LHFPL3: variants seen among roughly 807,000 people sequenced by gnomAD.
LHFPL3 encodes LHFPL tetraspan subfamily member 3 protein.
A neutral mutation model predicts 19.3 loss-of-function variants in LHFPL3; 5 were observed. That is an observed-to-expected ratio of 0.26 (90% CI 0.14 to 0.54). LHFPL3 has a LOEUF of 0.54. Ranked by LOEUF, LHFPL3 falls within the 20% of genes least tolerant of loss-of-function variation. The pLI, the probability that LHFPL3 is intolerant of heterozygous loss-of-function variation, is 0.94. For missense variants in LHFPL3, 249 were observed against 307.4 expected (o/e 0.81, Z 1.42); for synonymous variants, 133 against 126.2 (o/e 1.05, Z -0.36).
chr7:104,543,151 CAG>C (rs987411222), intron 1 of LHFPL3, among the ~76,000 whole-genome samples: 1 of 151,930 alleles, frequency 6.6e-6, no homozygotes, highest in Non-Finnish European at 1.5e-5. Context: ...TGGGGCCTGA[CAG>C]GGGGTGAGGG....
intron 1 of LHFPL3, among the ~76,000 whole-genome samples, chr7:104,612,151 C>G (rs1332500895): frequency 6.6e-6 from 1 of 152,158 alleles, no homozygotes; most frequent in Non-Finnish European, 1.5e-5. Flanking sequence ...TTTGGAAATT[C>G]AAGACCAGAG....
At chr7:104,776,053 T>G (rs1794631958) in intron 2 of LHFPL3, among the ~76,000 whole-genome samples, 1 of 152,228 alleles carries the variant, frequency 6.6e-6, no homozygotes, top group Non-Finnish European at 1.5e-5. Context: ...GTAAACTGGT[T>G]GGTACCAGAC....
intron 1 of LHFPL3, among the ~76,000 whole-genome samples, chr7:104,430,019 C>T (rs77467167): frequency 0.01 from 1,550 of 152,006 alleles, 26 homozygotes; most frequent in African/African-American, 0.035. Flanking sequence ...CTCCTCAAAC[C>T]GCTCTAGCTG....
chr7:104,328,829 C>G lies in LHFPL3; in HGVS notation c.50C>G (p.Pro17Arg). The change falls in exon 1 of 3, where the codon CCG becomes CGG. Residue 17 changes from proline (P) to arginine (R), a missense_variant. Physicochemically the swap from Pro to Arg is moderately radical, Grantham distance 103 (BLOSUM62 -2). Transcript: ENST00000424859. This position sits in a 1 kb window ranked among gnomAD's most constrained non-coding sequence, Gnocchi z 4.6. ...GCCGCCGCCGCCGCCGCGATGCTCC[C>G]GGCTCAGGAGGCTGCCAAGCTGTAC... Reference protein sequence around the residue: ...AAAAAAAAMLPAQEAAKLYHT... With the variant: ...AAAAAAAAMLRAQEAAKLYHT... 7 of 1,612,732 alleles carry G rather than the reference C, an allele frequency of 4.3e-6. No homozygotes were observed. Among genetic ancestry groups the G allele is most frequent in the Non-Finnish European group, 5.9e-6 (7 of 1,179,264 alleles).
At chr7:104,589,924 T>C (rs1172308671) in intron 1 of LHFPL3, among the ~76,000 whole-genome samples, 2 of 152,224 alleles carry the variant, frequency 1.3e-5, no homozygotes, top group African/African-American at 4.8e-5. Context: ...TATTCTCTGA[T>C]GGTAGTTTGT....
chr7:104,628,557 G>A (rs1343490317), intron 1 of LHFPL3, among the ~76,000 whole-genome samples: 1 of 152,130 alleles, frequency 6.6e-6, no homozygotes, highest in Non-Finnish European at 1.5e-5. Context: ...TTTAGTTTGA[G>A]TCTATGTTGT....
intron 1 of LHFPL3, among the ~76,000 whole-genome samples, chr7:104,490,309 T>A (rs1358721028): frequency 6.6e-6 from 1 of 152,184 alleles, no homozygotes; most frequent in Non-Finnish European, 1.5e-5. Context: ...GTTTCACTCC[T>A]CTTCTACTGA....
chr7:104,827,401 A>G (rs1219384787), intron 2 of LHFPL3, among the ~76,000 whole-genome samples: 2 of 152,034 alleles, frequency 1.3e-5, no homozygotes, highest in East Asian at 3.8e-4. Flanking sequence ...GATGTTTTTT[A>G]AAGTAAAGAA....
intron 1 of LHFPL3, among the ~76,000 whole-genome samples, chr7:104,639,340 C>G (rs1554418508): frequency 6.6e-6 from 1 of 152,004 alleles, no homozygotes; most frequent in Non-Finnish European, 1.5e-5. Flanking sequence ...CCATTTTTTT[C>G]CAGATTTTCT....
intron 1 of LHFPL3, among the ~76,000 whole-genome samples, chr7:104,377,081 A>G (rs961264072): frequency 2.6e-5 from 4 of 152,184 alleles, no homozygotes; most frequent in African/African-American, 9.7e-5. Context: ...AACTAACTCC[A>G]TTAGGTCTGC....
intron 2 of LHFPL3, among the ~76,000 whole-genome samples, chr7:104,838,701 C>T (rs1216277764): frequency 6.6e-6 from 1 of 152,284 alleles, no homozygotes; most frequent in South Asian, 2.1e-4. Context: ...CAATTTCATA[C>T]CATAGACACA....
intron 1 of LHFPL3, chr7:104,470,039 G>A (rs770387392): frequency 2.2e-6 from 1 of 456,010 alleles, no homozygotes; most frequent in South Asian, 1.5e-5. Flanking sequence ...AACTTCGGGT[G>A]TTTACTGCCT....
In LHFPL3 at chr7:104,830,549, A is replaced by G. The variant is rs1790930747; in HGVS notation, c.683-75638A>G. On this transcript the variant is annotated intron_variant, in intron 2 of 2. Coordinates refer to ENST00000424859, the MANE Select transcript of LHFPL3 (RefSeq NM_199000.3). ...GGGATCCAGTTTCAGCTTTCTACAT[A>G]TGGCTAGCCAGTTTTCCCAGCACCA... Among the ~76,000 whole-genome samples, 6 of 151,988 alleles carry G rather than the reference A, an allele frequency of 3.9e-5. No individual in the cohort carries two copies. The South Asian group carries it at 1.2e-3, about 32-fold the overall frequency.
intron 2 of LHFPL3, among the ~76,000 whole-genome samples, chr7:104,798,843 TG>T (rs1164708125): frequency 6.6e-6 from 1 of 152,218 alleles, no homozygotes; most frequent in African/African-American, 2.4e-5. Flanking sequence ...CTCATGTTTT[TG>T]CTTCTGTTTT....
At chr7:104,729,384 T>G (rs1793648260) in intron 1 of LHFPL3, among the ~76,000 whole-genome samples, 1 of 152,162 alleles carries the variant, frequency 6.6e-6, no homozygotes, top group Non-Finnish European at 1.5e-5. Context: ...AAATCCTCTC[T>G]TCTCTCTTCT....
intron 2 of LHFPL3, among the ~76,000 whole-genome samples, chr7:104,766,229 A>G (rs1794454231): frequency 1.3e-5 from 2 of 152,194 alleles, no homozygotes; most frequent in South Asian, 4.1e-4. Context: ...CTAGAGAGCA[A>G]TGAGTGGAAT....
Position 104,399,424 on chromosome 7 carries a change from GTTC to G in LHFPL3, c.445+70205_445+70207del, listed in dbSNP as rs372119662. On this transcript the variant is annotated intron_variant, in intron 1 of 2. Transcript: ENST00000424859. The surrounding 1 kb of genome is among the most constrained non-coding windows in gnomAD (Gnocchi z 4.4). ...AGTAAATTACCTGGAAATGTACTAT[GTTC>G]TTCTGTTTTTTTTTGTTTTTTAGGT... Among the ~76,000 whole-genome samples, 91 of 148,210 alleles carry G rather than the reference GTTC, an allele frequency of 6.1e-4. No individual in the cohort carries two copies. Among genetic ancestry groups the G allele is most frequent in the African/African-American group, 2.1e-3 (85 of 40,264 alleles).
intron 1 of LHFPL3, among the ~76,000 whole-genome samples, chr7:104,567,994 A>T (rs566374399): frequency 6.6e-6 from 1 of 152,256 alleles, no homozygotes; most frequent in African/African-American, 2.4e-5. Context: ...GTGCTTTTCC[A>T]TGCTGTAGGT....
At chr7:104,709,809 G>GC (rs1261854108) in intron 1 of LHFPL3, among the ~76,000 whole-genome samples, 1 of 151,294 alleles carries the variant, frequency 6.6e-6, no homozygotes, top group African/African-American at 2.4e-5. Flanking sequence ...CGGGATGGCG[G>GC]CTGCGAAGAG....
Sources: gnomAD v4.1 joint callset for allele counts (sites outside exome capture counted in the v4.1 genomes callset) on GRCh38, gnomAD v4.1.1 for gene constraint, Gnocchi (gnomAD v3.1) non-coding constraint, MANE v1.5 for transcripts, NCBI Gene and HGNC (gene_info 2026-07-23, HGNC 2026-07-21) for gene names.